The following PTPRC variants were observed in gnomAD, a reference collection of about 807,000 sequenced individuals.
The protein encoded by PTPRC is protein tyrosine phosphatase receptor type C, also known as receptor-type tyrosine-protein phosphatase C.
In PTPRC, 44 loss-of-function variants were observed where a neutral mutation model predicts 155.9. The observed-to-expected ratio is 0.28, with a 90% confidence interval of 0.22 to 0.36. The LOEUF is 0.36. Ranked by LOEUF, PTPRC falls within the 10% of genes least tolerant of loss-of-function variation. The pLI is 1.00. For synonymous variants in PTPRC, 525 were observed against 533.1 expected (o/e 0.98, Z 0.21); for missense variants, 1,401 against 1,564.6 (o/e 0.90, Z 1.76).
rs1046213561 is a variant in PTPRC at position 198,756,915 on chromosome 1, C to T, written c.*734C>T. 6.6e-6 allele frequency: 1 copy of T among 151,766 alleles called. No homozygotes were observed. The highest frequency in any genetic ancestry group is 1.5e-5 in the Non-Finnish European group (1 of 67,816). 9.4% of individuals were successfully genotyped at this position (151,766 alleles called of 1,614,324 possible). A position where few individuals can be genotyped will look rare whatever the true frequency, so the allele number is the denominator to read the frequency against. Reference sequence around the variant, plus strand: ...TCAATTTTGCATGCTCGATTATTCCCTGTACAATATTTAAAATTTATTGCT... The same window carrying T: ...TCAATTTTGCATGCTCGATTATTCCTTGTACAATATTTAAAATTTATTGCT... On this transcript the variant is annotated 3_prime_UTR_variant, in exon 33 of 33. Coordinates refer to ENST00000442510, the MANE Select transcript of PTPRC (RefSeq NM_002838.5).
chr1:198,748,738 A>T (rs1655249883), intron 27 of PTPRC, among the ~76,000 whole-genome samples: 1 of 151,828 alleles, frequency 6.6e-6, no homozygotes, highest in South Asian at 2.1e-4. Context: ...AAATGATCAC[A>T]TATGGTAATT....
chr1:198,649,439 G>A (rs532621657), intron 2 of PTPRC, among the ~76,000 whole-genome samples: 7 of 151,860 alleles, frequency 4.6e-5, no homozygotes, highest in Non-Finnish European at 8.8e-5. Context: ...TGATATGAAG[G>A]AAACAGATAA....
chr1:198,732,442 C>A, intron 19 of PTPRC, 38 bp from the exon 20 acceptor site: 1 of 1,598,694 alleles, frequency 6.3e-7, no homozygotes, highest in South Asian at 1.1e-5. Context: ...CTTGATTATT[C>A]ACTATTTCAC....
intron 23 of PTPRC, 123 bp downstream of exon 23, chr1:198,735,375 A>C (rs1654587228): frequency 4.2e-6 from 4 of 944,390 alleles, no homozygotes. Flanking sequence ...CTTTAGGATG[A>C]AAGCTGTGGT....
intron 12 of PTPRC, 110 bp downstream of exon 12, chr1:198,713,182 A>G: frequency 1.4e-6 from 2 of 1,473,508 alleles, no homozygotes; most frequent in Non-Finnish European, 1.9e-6. Flanking sequence ...TAGAGACTGC[A>G]TAGGCATAGT....
At position 198,722,396 on chromosome 1, in the gene PTPRC, T is replaced by C; in HGVS notation, c.1660-20T>C. 1 of 1,371,046 alleles carries C rather than the reference T, an allele frequency of 7.3e-7. No homozygotes were observed. The highest frequency in any genetic ancestry group is 1.8e-5 in the South Asian group (1 of 56,490). The allele number at this position is 1,371,046 out of a possible 1,614,324, so 84.9% of individuals were successfully genotyped here. A position where few individuals can be genotyped will look rare whatever the true frequency, so the allele number is the denominator to read the frequency against. ...CACATTAGCAAACTAATTATTTTAT[T>C]TTTTGTTACTGAAATTCAGGCCTAT... On this transcript the variant is annotated intron_variant, in intron 14 of 32. Coordinates refer to ENST00000442510, the MANE Select transcript of PTPRC (RefSeq NM_002838.5).
At chr1:198,750,746 C>A in intron 29 of PTPRC, 120 bp downstream of exon 29, 1 of 1,295,322 alleles carries the variant, frequency 7.7e-7, no homozygotes, top group Non-Finnish European at 1.1e-6. Context: ...TCACATAATT[C>A]TGTCTGCTCA....
intron 4 of PTPRC, among the ~76,000 whole-genome samples, chr1:198,697,963 T>C (rs576424426): frequency 1.2e-4 from 19 of 152,204 alleles, no homozygotes; most frequent in Non-Finnish European, 2.2e-4. Flanking sequence ...GAGTAGTAAC[T>C]AGGACCTGTC....
chr1:198,721,442 C>T (rs1325295365), intron 14 of PTPRC, among the ~76,000 whole-genome samples: 2 of 151,892 alleles, frequency 1.3e-5, no homozygotes, highest in Admixed American at 6.6e-5. Context: ...ATGTCTATAT[C>T]GTTTGTCACT....
At chr1:198,646,728 T>C (rs1444755354) in intron 2 of PTPRC, among the ~76,000 whole-genome samples, 1 of 151,872 alleles carries the variant, frequency 6.6e-6, no homozygotes, top group Non-Finnish European at 1.5e-5. Flanking sequence ...TAGCCTGGAA[T>C]TATTATGTTT....
rs368899807 is a variant in PTPRC at position 198,704,190 on chromosome 1, T to C, written c.659-282T>C. On this transcript the variant is annotated intron_variant, in intron 7 of 32. Transcript: ENST00000442510. ...TTTTGGCTGTGTGAATCTTCAGCCA[T>C]GTTGCCATACCGCCAATTAGATGCG... Among the ~76,000 whole-genome samples the C allele has an allele frequency of 5.3e-5, 8 of 152,312 alleles. No individual in the cohort carries two copies. In the East Asian group the frequency reaches 1.5e-3, roughly 29 times the overall value.
intron 15 of PTPRC, among the ~76,000 whole-genome samples, chr1:198,724,704 T>TC (rs1654048229): frequency 6.6e-6 from 1 of 150,546 alleles, no homozygotes. Context: ...CTCTCTCTCT[T>TC]TTTTTGGTCT....
chr1:198,649,623 T>C (rs1361189415), intron 2 of PTPRC, among the ~76,000 whole-genome samples: 1 of 151,802 alleles, frequency 6.6e-6, no homozygotes, highest in African/African-American at 2.4e-5. Flanking sequence ...TGATGAAAAA[T>C]TGGGGAAGAA....
At chr1:198,654,404 T>C (rs893123078) in intron 2 of PTPRC, among the ~76,000 whole-genome samples, 4 of 151,872 alleles carry the variant, frequency 2.6e-5, no homozygotes, top group Admixed American at 6.6e-5. Flanking sequence ...TTTCATTCTC[T>C]CACTTTATAA....
At chr1:198,691,952 C>T (rs567776792) in intron 2 of PTPRC, among the ~76,000 whole-genome samples, 1 of 152,032 alleles carries the variant, frequency 6.6e-6, no homozygotes, top group East Asian at 1.9e-4. Flanking sequence ...ATATTATATC[C>T]CTAGCATGTG....
At position 198,651,776 on chromosome 1, in the gene PTPRC, G is replaced by A. The variant is rs186479498; in HGVS notation, c.73+12435G>A. Among the ~76,000 whole-genome samples the A allele has an allele frequency of 1.3e-3, 203 of 151,840 alleles. 1 individual carries two copies. The Middle Eastern group carries it at 0.017, about 13-fold the overall frequency. Reference sequence around the variant, plus strand: ...ATTTACTGGTTGTCATATCCTAAAAGGGAATAGTTCAATTTAATTTTCCTT... The same window carrying A: ...ATTTACTGGTTGTCATATCCTAAAAAGGAATAGTTCAATTTAATTTTCCTT... On this transcript the variant is annotated intron_variant, in intron 2 of 32. Transcript: ENST00000442510.
chr1:198,638,868 G>A (rs2274365), upstream of PTPRC: 12,716 of 192,984 alleles, frequency 0.066, 614 homozygotes, highest in East Asian at 0.13. Flanking sequence ...TTATTTGGAT[G>A]GTTTAAAAAC....
chr1:198,748,351 C>A, intron 27 of PTPRC, 152 bp downstream of exon 27: 1 of 1,033,802 alleles, frequency 9.7e-7, no homozygotes, highest in Non-Finnish European at 1.4e-6. Flanking sequence ...TATTAAAATA[C>A]TAGTTATTGC....
chr1:198,752,825 G>T (rs993433079), intron 31 of PTPRC, 53 bp downstream of exon 31: 1 of 1,568,344 alleles, frequency 6.4e-7, no homozygotes, highest in Non-Finnish European at 8.7e-7. Context: ...TTGACTTCTC[G>T]GTTCACATGT....
Sources: allele counts gnomAD v4.1 joint callset (sites outside exome capture counted in the v4.1 genomes callset), GRCh38; gene constraint gnomAD v4.1.1; transcripts MANE v1.5; gene names NCBI Gene and HGNC (gene_info 2026-07-23, HGNC 2026-07-21).